Variants in EHMT1 observed in about 807,000 individuals in gnomAD.
EHMT1 encodes the protein histone-lysine N-methyltransferase EHMT1.
EHMT1 carries 15 observed loss-of-function variants against 147.2 expected under a neutral mutation model. The ratio of observed to expected loss-of-function variants is 0.10; its 90% CI spans 0.07 to 0.16. EHMT1 has a LOEUF of 0.16. Ranked by LOEUF, EHMT1 falls within the 10% of genes least tolerant of loss-of-function variation. The probability of loss-of-function intolerance (pLI) is 1.00; values close to 1 mark genes in which losing one functional copy is unlikely to be tolerated. For missense variants in EHMT1, 1,587 were observed against 1,772.4 expected (o/e 0.90, Z 1.88); for synonymous variants, 795 against 709.6 (o/e 1.12, Z -1.91).
rs1588710022 is a variant in EHMT1, at chr9:137,787,922, G to A, written c.2383-2926G>A. The A allele has an allele frequency of 4.7e-6, 7 of 1,488,650 alleles. No individual in the cohort carries two copies. Among genetic ancestry groups the A allele is most frequent in the Non-Finnish European group, 6.5e-6 (7 of 1,071,098 alleles). The allele number at this position is 1,488,650 out of a possible 1,614,324, so 92.2% of individuals were successfully genotyped here. On this transcript the variant is annotated intron_variant, in intron 15 of 26. Coordinates refer to ENST00000460843, the MANE Select transcript of EHMT1 (RefSeq NM_024757.5). This position sits in a 1 kb window ranked among gnomAD's most constrained non-coding sequence, Gnocchi z 4.2. ...TGGGAGTGTAGATTGGCAAGTAGGA[G>A]GTGGGCAGCTGCCCCCAGAGGGAGG...
rs149841070 is a variant in EHMT1 at position 137,745,425 on chromosome 9, A to T, written c.1170+1335A>T. 1,147 of 398,312 alleles carry T rather than the reference A, an allele frequency of 2.9e-3. 10 individuals carry two copies. Among genetic ancestry groups the T allele is most frequent in the African/African-American group, 0.019 (912 of 48,738 alleles). The allele number at this position is 398,312 out of a possible 1,614,324, so 24.7% of individuals were successfully genotyped here. A position where few individuals can be genotyped will look rare whatever the true frequency, so the allele number is the denominator to read the frequency against. On this transcript the variant is annotated intron_variant, in intron 6 of 26. Coordinates refer to ENST00000460843, the MANE Select transcript of EHMT1 (RefSeq NM_024757.5). ...TTAGATATTTAAAGAGGATTTAAAA[A>T]TTTTTTATTTTAAGATAATTATTAG... is the stretch of plus-strand genomic sequence containing the variant.
intron 3 of EHMT1, among the ~76,000 whole-genome samples, chr9:137,720,828 G>T (rs188001865): frequency 1.3e-5 from 2 of 152,036 alleles, no homozygotes; most frequent in Admixed American, 1.3e-4. Context: ...GGGCATTTAC[G>T]TACACGTTTT....
chr9:137,781,925 G>A lies in EHMT1; in HGVS notation c.2276-366G>A, dbSNP rs997401849. On this transcript the variant is annotated intron_variant, in intron 14 of 26. Coordinates refer to ENST00000460843, the MANE Select transcript of EHMT1 (RefSeq NM_024757.5). Reference sequence around the variant, plus strand: ...GACCGATGCTCAGGCCTCTGTCCCCGGCCTTGCTTGCTCCCCTAGGGTGTG... The same window carrying A: ...GACCGATGCTCAGGCCTCTGTCCCCAGCCTTGCTTGCTCCCCTAGGGTGTG... 2.6e-5 allele frequency among the ~76,000 whole-genome samples: 4 copies of A among 152,180 alleles called. 1 individual carries two copies. The highest frequency in any genetic ancestry group is 2.9e-5 in the Non-Finnish European group (2 of 68,028).
At chr9:137,829,031 A>G (rs1956016462) in intron 25 of EHMT1, among the ~76,000 whole-genome samples, 1 of 152,178 alleles carries the variant, frequency 6.6e-6, no homozygotes, top group Non-Finnish European at 1.5e-5. Context: ...GTGTCTGTAC[A>G]GAGCCCGGGT....
chr9:137,718,251 T>C (rs1400701858), intron 3 of EHMT1, among the ~76,000 whole-genome samples: 1 of 152,270 alleles, frequency 6.6e-6, no homozygotes, highest in Non-Finnish European at 1.5e-5. Flanking sequence ...CATGCTGTGC[T>C]GGACTGATCA....
chr9:137,693,225 C>T (rs1039943202), intron 1 of EHMT1, among the ~76,000 whole-genome samples: 6 of 152,066 alleles, frequency 3.9e-5, no homozygotes, highest in Non-Finnish European at 8.8e-5. Flanking sequence ...TTGAACAGTT[C>T]AAGTTAGCGG....
intron 1 of EHMT1, among the ~76,000 whole-genome samples, chr9:137,677,479 C>T (rs950609446): frequency 6.6e-6 from 1 of 151,834 alleles, no homozygotes; most frequent in Non-Finnish European, 1.5e-5. Flanking sequence ...ATGGAGTCTC[C>T]CTCTTTCGTC....
chr9:137,743,556 A>G (rs1466032445), intron 5 of EHMT1, 28 bp downstream of exon 5: 8 of 1,613,802 alleles, frequency 5.0e-6, no homozygotes, highest in Non-Finnish European at 5.9e-6. Context: ...GTGAGTTGCC[A>G]CGTGTGCGTG....
chr9:137,779,851 G>T, intron 14 of EHMT1, 134 bp downstream of exon 14: 1 of 953,732 alleles, frequency 1.0e-6, no homozygotes, highest in South Asian at 1.4e-5. Context: ...CGAGTTCTCT[G>T]ATGAGTGAGA....
At chr9:137,621,109 T>C (rs932207553) in intron 1 of EHMT1, among the ~76,000 whole-genome samples, 1 of 152,232 alleles carries the variant, frequency 6.6e-6, no homozygotes, top group African/African-American at 2.4e-5. Flanking sequence ...AAATGTGTTA[T>C]ATCTGTGATG....
At chr9:137,793,191 A>G (rs951776591) in intron 16 of EHMT1, among the ~76,000 whole-genome samples, 1 of 152,264 alleles carries the variant, frequency 6.6e-6, no homozygotes, top group African/African-American at 2.4e-5. Flanking sequence ...AAATTATCTG[A>G]TAAGAGGTTT....
At chr9:137,677,262 T>G (rs1038646660) in intron 1 of EHMT1, among the ~76,000 whole-genome samples, 1 of 152,048 alleles carries the variant, frequency 6.6e-6, no homozygotes, top group African/African-American at 2.4e-5. Context: ...GTCTCCCAAG[T>G]AGCTGGGATT....
chr9:137,817,825 C>T (rs1955046492), intron 24 of EHMT1: 4 of 624,204 alleles, frequency 6.4e-6, no homozygotes. Flanking sequence ...GAGGACCATT[C>T]TGGGTTCTCA....
chr9:137,652,697 G>GT (rs1937982850), intron 1 of EHMT1, among the ~76,000 whole-genome samples: 1 of 148,550 alleles, frequency 6.7e-6, no homozygotes, highest in Admixed American at 6.7e-5. Context: ...GTGTATCTTA[G>GT]TTTTTAACAA....
At chr9:137,728,228 T>C (rs1946800305) in intron 3 of EHMT1, 121 bp from the exon 4 acceptor site, 1 of 1,396,270 alleles carries the variant, frequency 7.2e-7, no homozygotes, top group African/African-American at 1.4e-5. Context: ...CCTCTCTCCA[T>C]TGTATCTCAT....
intron 1 of EHMT1, among the ~76,000 whole-genome samples, chr9:137,622,343 C>T (rs1842988033): frequency 6.6e-6 from 1 of 152,102 alleles, no homozygotes; most frequent in South Asian, 2.1e-4. Context: ...TTGTCTCGAA[C>T]TCCTGACCTC....
intron 25 of EHMT1, chr9:137,820,085 C>T (rs1444448585): frequency 6.6e-6 from 1 of 152,216 alleles, no homozygotes; most frequent in Non-Finnish European, 1.5e-5. Context: ...GAGAATAGGG[C>T]ACCAGGCAGC....
At chr9:137,692,419 C>T (rs753060002) in intron 1 of EHMT1, among the ~76,000 whole-genome samples, 1 of 151,842 alleles carries the variant, frequency 6.6e-6, no homozygotes, top group Non-Finnish European at 1.5e-5. Context: ...CGTGCACCAC[C>T]GCGCCGGGCT....
At chr9:137,781,618 A>G (rs1217799857) in intron 14 of EHMT1, among the ~76,000 whole-genome samples, 7 of 152,226 alleles carry the variant, frequency 4.6e-5, no homozygotes, top group African/African-American at 1.2e-4. Context: ...ACGCAAAAGC[A>G]TACTTGTTAG....
Sources: allele counts gnomAD v4.1 joint callset (sites outside exome capture counted in the v4.1 genomes callset), GRCh38; gene constraint gnomAD v4.1.1; non-coding constraint Gnocchi (gnomAD v3.1); transcripts MANE v1.5; gene names NCBI Gene and HGNC (gene_info 2026-07-23, HGNC 2026-07-21).